The following CCDC73 variants were observed in gnomAD, a reference collection of about 807,000 sequenced individuals.
CCDC73 encodes the protein coiled-coil domain-containing protein 73.
CCDC73 carries 95 observed loss-of-function variants against 116.5 expected under a neutral mutation model. That is an observed-to-expected ratio of 0.82 (90% CI 0.69 to 0.97). The LOEUF (loss-of-function observed/expected upper bound fraction) is 0.97, where lower values mean the gene tolerates loss of function less well. Among genes scored for constraint, CCDC73 ranks in the 50% least tolerant of loss-of-function variants. The pLI, the probability that CCDC73 is intolerant of heterozygous loss-of-function variation, is 0.00. For synonymous variants in CCDC73, 398 were observed against 401.3 expected (o/e 0.99, Z 0.10); for missense variants, 1,066 against 1,206.8 (o/e 0.88, Z 1.73).
intron 17 of CCDC73, among the ~76,000 whole-genome samples, chr11:32,609,762 A>G (rs1227569172): frequency 6.6e-6 from 1 of 152,062 alleles, no homozygotes; most frequent in East Asian, 1.9e-4. Context: ...CCTCATAATC[A>G]TGGTGGAAGG....
chr11:32,827,938 C>A, the CCDC73 span, among the ~76,000 whole-genome samples: 1 of 152,062 alleles, frequency 6.6e-6, no homozygotes, highest in South Asian at 2.1e-4. Flanking sequence ...CCACAATAAA[C>A]CATGTCTGGC....
chr11:32,639,047 C>G (rs12806655), intron 13 of CCDC73, among the ~76,000 whole-genome samples: 1 of 151,460 alleles, frequency 6.6e-6, no homozygotes, highest in Non-Finnish European at 1.5e-5. Context: ...ACTCGGGAGG[C>G]TGAGGCAGGA....
At chr11:32,829,852 G>A in the CCDC73 span, 12 of 985,298 alleles carry the variant, frequency 1.2e-5, no homozygotes, top group Non-Finnish European at 1.4e-5. Context: ...CTGCCCGCCC[G>A]CTCGCCGCAG....
At chr11:32,619,536 G>A (rs895021113) in intron 14 of CCDC73, among the ~76,000 whole-genome samples, 15 of 152,138 alleles carry the variant, frequency 9.9e-5, no homozygotes, top group Admixed American at 6.6e-5. Flanking sequence ...AGCTGGGTGC[G>A]GTGGCACACA....
At chr11:32,723,349 G>A (rs556048107) in intron 2 of CCDC73, among the ~76,000 whole-genome samples, 1 of 152,264 alleles carries the variant, frequency 6.6e-6, no homozygotes, top group South Asian at 2.1e-4. Flanking sequence ...AAAGAGATTT[G>A]TGTAAATATA....
chr11:32,717,951 T>C (rs897131463), intron 3 of CCDC73, 125 bp downstream of exon 3: 2 of 627,874 alleles, frequency 3.2e-6, no homozygotes, highest in Non-Finnish European at 5.5e-6. Flanking sequence ...GAGAACAGCA[T>C]GGGGAAACTG....
chr11:32,670,900 G>A (rs146165077), intron 9 of CCDC73, among the ~76,000 whole-genome samples: 5 of 152,176 alleles, frequency 3.3e-5, no homozygotes, highest in African/African-American at 1.2e-4. Flanking sequence ...GTAAAAACTA[G>A]TAATTTCTTA....
chr11:32,759,048 T>C (rs1850367772), intron 2 of CCDC73, among the ~76,000 whole-genome samples: 1 of 152,026 alleles, frequency 6.6e-6, no homozygotes, highest in Non-Finnish European at 1.5e-5. Flanking sequence ...TCAGATCTTT[T>C]TCTCTCATTT....
At chr11:32,660,556 G>T (rs1218292959) in intron 9 of CCDC73, among the ~76,000 whole-genome samples, 4 of 152,038 alleles carry the variant, frequency 2.6e-5, no homozygotes, top group African/African-American at 9.7e-5. Flanking sequence ...TGGGTGTGAT[G>T]GCTCATACCT....
the CCDC73 span, among the ~76,000 whole-genome samples, chr11:32,829,066 G>T: frequency 6.6e-6 from 1 of 152,078 alleles, no homozygotes; most frequent in Non-Finnish European, 1.5e-5. Flanking sequence ...TTGAGCCCAG[G>T]AGTTCCTGGG....
intron 17 of CCDC73, 88 bp downstream of exon 17, chr11:32,611,044 C>T: frequency 1.6e-6 from 2 of 1,290,024 alleles, no homozygotes; most frequent in Non-Finnish European, 2.1e-6. Context: ...TCAGTTAGGT[C>T]TTAAAGCATC....
At chr11:32,673,900 A>G (rs1331957301) in intron 9 of CCDC73, among the ~76,000 whole-genome samples, 1 of 152,214 alleles carries the variant, frequency 6.6e-6, no homozygotes, top group Non-Finnish European at 1.5e-5. Context: ...TGGAACCCCA[A>G]AAGGGAGAGT....
At chr11:32,812,596 G>C in the CCDC73 span, among the ~76,000 whole-genome samples, 4,231 of 151,674 alleles carry the variant, frequency 0.028, 81 homozygotes, top group South Asian at 0.04. Flanking sequence ...TTGAACCCAG[G>C]AGGCGGAGGT....
At chr11:32,797,796 A>G (rs1850736788), upstream of CCDC73, among the ~76,000 whole-genome samples, 3 of 152,198 alleles carry the variant, frequency 2.0e-5, no homozygotes, top group African/African-American at 7.2e-5. Flanking sequence ...AGCTCAGGAC[A>G]TTGGGCAAGG....
chr11:32,750,569 C>T (rs543205552), intron 2 of CCDC73, among the ~76,000 whole-genome samples: 5 of 152,240 alleles, frequency 3.3e-5, no homozygotes, highest in African/African-American at 4.8e-5. Flanking sequence ...AGGTTCTTCC[C>T]GTTCTTCCCT....
chr11:32,697,672 C>T (rs1366079388), intron 6 of CCDC73, among the ~76,000 whole-genome samples: 3 of 151,500 alleles, frequency 2.0e-5, no homozygotes, highest in Non-Finnish European at 2.9e-5. Flanking sequence ...TTAGTAGAGA[C>T]GGGGTTTCAC....
upstream of CCDC73, among the ~76,000 whole-genome samples, chr11:32,794,903 C>T (rs1850710546): frequency 2.0e-5 from 3 of 148,906 alleles, no homozygotes; most frequent in Admixed American, 2.0e-4. Flanking sequence ...CTCGCTCTGT[C>T]GCCCAGGCTG....
intron 17 of CCDC73, chr11:32,604,800 G>A (rs1365194729): frequency 6.6e-6 from 1 of 152,194 alleles, no homozygotes; most frequent in African/African-American, 2.4e-5. Context: ...ACCAGTAAAA[G>A]TGGCATGTTA....
intron 2 of CCDC73, among the ~76,000 whole-genome samples, chr11:32,738,950 A>C (rs1265354507): frequency 6.6e-6 from 1 of 152,000 alleles, no homozygotes; most frequent in Non-Finnish European, 1.5e-5. Flanking sequence ...TTTATTGAAC[A>C]GTCATTCCTC....
Sources: allele counts gnomAD v4.1 joint callset (sites outside exome capture counted in the v4.1 genomes callset), GRCh38; gene constraint gnomAD v4.1.1; transcripts MANE v1.5; gene names NCBI Gene and HGNC (gene_info 2026-07-23, HGNC 2026-07-21).